The following TSGA10 variants were observed in gnomAD, a reference collection of about 807,000 sequenced individuals.
TSGA10 encodes testis-specific gene 10 protein.
A neutral mutation model predicts 96.6 loss-of-function variants in TSGA10; 43 were observed. The ratio of observed to expected loss-of-function variants is 0.44; its 90% CI spans 0.35 to 0.57. The LOEUF is 0.57. Among genes scored for constraint, TSGA10 ranks in the 20% least tolerant of loss-of-function variants. TSGA10 has a pLI of 0.01. For missense variants in TSGA10, 703 were observed against 834.4 expected (o/e 0.84, Z 1.94); for synonymous variants, 229 against 269.9 (o/e 0.85, Z 1.48).
At chr2:99,052,455 G>A (rs1217672579) in intron 16 of TSGA10, among the ~76,000 whole-genome samples, 3 of 152,022 alleles carry the variant, frequency 2.0e-5, no homozygotes, top group Non-Finnish European at 4.4e-5. Flanking sequence ...AGCAAGTAAG[G>A]AGATTAAATC....
intron 9 of TSGA10, 95 bp downstream of exon 9, chr2:99,105,264 A>G: frequency 9.1e-7 from 1 of 1,104,012 alleles, no homozygotes; most frequent in Non-Finnish European, 1.3e-6. Flanking sequence ...ATCTTAGAAA[A>G]ATAAAATAAC....
chr2:99,142,190 G>T (rs2093573419), intron 1 of TSGA10: 1 of 152,244 alleles, frequency 6.6e-6, no homozygotes. Flanking sequence ...GGGGAAAAAA[G>T]TCTTCTTAAT....
chr2:99,122,847 A>G (rs1322721088), intron 2 of TSGA10, among the ~76,000 whole-genome samples: 2 of 151,062 alleles, frequency 1.3e-5, no homozygotes, highest in East Asian at 3.9e-4. Flanking sequence ...TTTTTGCTCT[A>G]TATATTGTTC....
chr2:99,034,156 A>C (rs1211564092), intron 17 of TSGA10, among the ~76,000 whole-genome samples: 3 of 152,100 alleles, frequency 2.0e-5, no homozygotes, highest in African/African-American at 7.2e-5. Context: ...TATGTTTGAG[A>C]CAACTTCAAA....
Position 99,018,536 on chromosome 2 carries a change from C to T in TSGA10, c.1922G>A (p.Arg641Lys). ...TGAGCTTGCATAGAGATAAACTTAC[C>T]TTTCAAAGCGCTCTGTTCCTAGTTG... ...KRQLGTERFE[R>K]ERAVQELRRQ... The change falls in exon 19 of 21, where the codon AGG (arginine) becomes AAG (lysine). Residue 641 changes from arginine to lysine, a missense_variant and splice_region_variant. Physicochemically the swap from Arg to Lys is conservative, Grantham distance 26. Coordinates refer to ENST00000393483, the MANE Select transcript of TSGA10 (RefSeq NM_025244.4). 6.2e-7 allele frequency: 1 copy of T among 1,612,392 alleles called. No individual in the cohort carries two copies. The highest frequency in any genetic ancestry group is 8.5e-7 in the Non-Finnish European group (1 of 1,179,472).
At chr2:99,041,857 A>G in intron 16 of TSGA10, among the ~76,000 whole-genome samples, 1 of 152,176 alleles carries the variant, frequency 6.6e-6, no homozygotes, top group South Asian at 2.1e-4. Flanking sequence ...CTGCACAGCA[A>G]AAGAAATAAT....
At chr2:99,077,489 G>C (rs2086859053) in intron 12 of TSGA10, among the ~76,000 whole-genome samples, 1 of 152,132 alleles carries the variant, frequency 6.6e-6, no homozygotes, top group Admixed American at 6.5e-5. Flanking sequence ...CTTAGGAACT[G>C]CTTTCAGAAA....
intron 10 of TSGA10, among the ~76,000 whole-genome samples, chr2:99,093,702 G>T (rs569047871): frequency 6.6e-6 from 1 of 151,934 alleles, no homozygotes; most frequent in African/African-American, 2.4e-5. Context: ...CCAAGGAGGT[G>T]AAAGATCTCT....
chr2:99,134,344 A>G (rs924272322), intron 1 of TSGA10, among the ~76,000 whole-genome samples: 5 of 151,964 alleles, frequency 3.3e-5, no homozygotes, highest in African/African-American at 1.2e-4. Context: ...CTTCAATCTC[A>G]TAGCCTTTCT....
intron 17 of TSGA10, among the ~76,000 whole-genome samples, chr2:99,026,504 C>CT (rs1427379851): frequency 6.6e-6 from 1 of 151,948 alleles, no homozygotes; most frequent in Non-Finnish European, 1.5e-5. Context: ...ACTGTAAGCT[C>CT]TGCCTCCCAG....
At chr2:99,103,216 G>A (rs553119882) in intron 10 of TSGA10, among the ~76,000 whole-genome samples, 2 of 152,096 alleles carry the variant, frequency 1.3e-5, no homozygotes, top group East Asian at 3.9e-4. Context: ...ACATGCAGGT[G>A]TGTTACACAG....
chr2:99,032,347 T>C (rs1329145149), intron 17 of TSGA10, among the ~76,000 whole-genome samples: 1 of 152,122 alleles, frequency 6.6e-6, no homozygotes, highest in African/African-American at 2.4e-5. Flanking sequence ...TCTAAGACTA[T>C]CAACAAAAGG....
intron 7 of TSGA10, among the ~76,000 whole-genome samples, chr2:99,106,857 G>A (rs1021479511): frequency 9.2e-5 from 14 of 151,886 alleles, no homozygotes; most frequent in African/African-American, 2.7e-4. Context: ...ATAACTTAAC[G>A]TTTCTGCTCC....
chr2:99,136,580 G>T lies in TSGA10; in HGVS notation c.-620-9404C>A, dbSNP rs1456187260. 7.2e-5 allele frequency among the ~76,000 whole-genome samples: 2 copies of T among 27,762 alleles called. 1 individual carries two copies. Among genetic ancestry groups the T allele is most frequent in the African/African-American group, 1.5e-4 (2 of 13,354 alleles). The allele number at this position is 27,762 out of a possible 152,430, so 18.2% of individuals were successfully genotyped here. ...TGGGAGGCCGAGGCGGGCGGATCACGAGGTCAGGAGATCGAGACCATCCCG... is the reference window on the plus strand; with the variant it reads ...TGGGAGGCCGAGGCGGGCGGATCACTAGGTCAGGAGATCGAGACCATCCCG... On this transcript the variant is annotated intron_variant, in intron 1 of 20. Coordinates refer to ENST00000393483, the MANE Select transcript of TSGA10 (RefSeq NM_025244.4).
chr2:99,140,026 G>C (rs984448154), intron 1 of TSGA10, among the ~76,000 whole-genome samples: 1 of 152,108 alleles, frequency 6.6e-6, no homozygotes, highest in Non-Finnish European at 1.5e-5. Flanking sequence ...AGATCTCCCA[G>C]AGAATCTCTA....
intron 12 of TSGA10, among the ~76,000 whole-genome samples, chr2:99,073,967 T>C (rs2086288049): frequency 6.7e-6 from 1 of 148,330 alleles, no homozygotes. Flanking sequence ...CCCAAACCTA[T>C]ATTTTCCAAC....
At chr2:99,000,980 C>T (rs2077848332) in intron 20 of TSGA10, among the ~76,000 whole-genome samples, 1 of 152,188 alleles carries the variant, frequency 6.6e-6, no homozygotes, top group Non-Finnish European at 1.5e-5. Context: ...GAAGCTCGAA[C>T]CGGGTGGAGC....
intron 2 of TSGA10, among the ~76,000 whole-genome samples, chr2:99,119,464 C>G (rs1461718802): frequency 1.3e-5 from 2 of 152,124 alleles, no homozygotes; most frequent in Non-Finnish European, 2.9e-5. Context: ...CTTCCCACCA[C>G]CAGACACACT....
intron 20 of TSGA10, among the ~76,000 whole-genome samples, chr2:99,000,486 G>A (rs2077796173): frequency 6.6e-6 from 1 of 151,790 alleles, no homozygotes; most frequent in Non-Finnish European, 1.5e-5. Context: ...CTCCAGTCTG[G>A]GGGACAAGAG....
Sources: gnomAD v4.1 joint callset for allele counts (sites outside exome capture counted in the v4.1 genomes callset) on GRCh38, gnomAD v4.1.1 for gene constraint, MANE v1.5 for transcripts, NCBI Gene and HGNC (gene_info 2026-07-23, HGNC 2026-07-21) for gene names.